ARHGEF10: variants seen among roughly 807,000 people sequenced by gnomAD.
ARHGEF10 encodes Rho guanine nucleotide exchange factor 10.
A neutral mutation model predicts 147.4 loss-of-function variants in ARHGEF10; 140 were observed. The observed-to-expected ratio is 0.95, with a 90% CI of 0.83 to 1.09. The LOEUF (loss-of-function observed/expected upper bound fraction) is 1.09. ARHGEF10 is among the 50% of genes least tolerant of loss of function. ARHGEF10 has a pLI of 0.00. For missense variants in ARHGEF10, 2,222 were observed against 1,752.7 expected (o/e 1.27, Z -4.78); for synonymous variants, 902 against 695.8 (o/e 1.30, Z -4.67).
intron 8 of ARHGEF10, among the ~76,000 whole-genome samples, chr8:1,878,881 A>T (rs2129116592): frequency 6.6e-6 from 1 of 151,888 alleles, no homozygotes; most frequent in African/African-American, 2.4e-5. Context: ...CAGAATTACA[A>T]CCCGGGAGCG....
chr8:1,877,659 C>A (rs1403219115), intron 8 of ARHGEF10, among the ~76,000 whole-genome samples: 1 of 148,164 alleles, frequency 6.7e-6, no homozygotes, highest in Non-Finnish European at 1.5e-5. Context: ...GTCATGGAAC[C>A]CAGGAACCAT....
At chr8:1,858,223 G>C (rs1055136892) in intron 3 of ARHGEF10, 108 bp downstream of exon 3, 1 of 1,046,354 alleles carries the variant, frequency 9.6e-7, no homozygotes, top group Non-Finnish European at 1.4e-6. Flanking sequence ...TGAGTCCCCA[G>C]GTGAGTCCCC....
At chr8:1,916,550 C>T (rs1811774600) in intron 18 of ARHGEF10, among the ~76,000 whole-genome samples, 1 of 152,166 alleles carries the variant, frequency 6.6e-6, no homozygotes, top group Non-Finnish European at 1.5e-5. Flanking sequence ...CAGCTTTGCA[C>T]CTGGGAGTCT....
At chr8:1,846,954 G>A (rs895196607) in intron 2 of ARHGEF10, among the ~76,000 whole-genome samples, 5 of 152,164 alleles carry the variant, frequency 3.3e-5, no homozygotes, top group Non-Finnish European at 5.9e-5. Context: ...GCTGCTGCTC[G>A]TTTTTCGTAA....
At chr8:1,859,099 G>A (rs1805859739) in intron 3 of ARHGEF10, among the ~76,000 whole-genome samples, 2 of 141,036 alleles carry the variant, frequency 1.4e-5, no homozygotes, top group Non-Finnish European at 3.0e-5. Context: ...CATAGTACCC[G>A]CCTCTCTGCT....
At chr8:1,876,446 C>T (rs942224803) in intron 7 of ARHGEF10, 125 bp from the exon 8 acceptor site, 5 of 1,051,352 alleles carry the variant, frequency 4.8e-6, no homozygotes, top group African/African-American at 4.7e-5. Flanking sequence ...CCGCAGGGTC[C>T]TCAGCATGAT....
chr8:1,879,240 C>A (rs1232687414), intron 8 of ARHGEF10, among the ~76,000 whole-genome samples: 1 of 152,066 alleles, frequency 6.6e-6, no homozygotes, highest in African/African-American at 2.4e-5. Flanking sequence ...TCCAGGGGGT[C>A]CCCAGTCCCG....
chr8:1,923,786 G>C lies in ARHGEF10; in HGVS notation c.2400G>C (p.Pro800=). The C allele has an allele frequency of 6.2e-7, 1 of 1,614,146 alleles. No individual in the cohort carries two copies. Among genetic ancestry groups the C allele is most frequent in the Non-Finnish European group, 8.5e-7 (1 of 1,180,026 alleles). ...LPGKQDKSGR[P]TFFTAVFNTF... ...TTGTTTCTGGCAGATCTGGGCGACC[G>C]ACGTTCTTTACAGCTGTGTTCAATA... The change falls in exon 21 of 29, where the codon CCG becomes CCC. Residue 800 remains proline, a synonymous_variant. Transcript: ENST00000349830.
At chr8:1,945,377 T>A in intron 26 of ARHGEF10, 104 bp from the exon 27 acceptor site, 1 of 1,372,190 alleles carries the variant, frequency 7.3e-7, no homozygotes, top group South Asian at 1.2e-5. Flanking sequence ...TGCTACTGTG[T>A]TGCAGCCACT....
At chr8:1,840,448 G>T (rs75246441) in intron 1 of ARHGEF10, among the ~76,000 whole-genome samples, 9 of 138,266 alleles carry the variant, frequency 6.5e-5, no homozygotes, top group Non-Finnish European at 1.1e-4. Context: ...GGGACTGTCC[G>T]GTGTGGAAGC....
intron 1 of ARHGEF10, among the ~76,000 whole-genome samples, chr8:1,829,986 A>G (rs952862989): frequency 1.4e-4 from 22 of 152,238 alleles, no homozygotes; most frequent in Non-Finnish European, 2.2e-4. Flanking sequence ...CGGTAGCAAG[A>G]AGGAGAGGGT....
At chr8:1,899,249 G>C (rs1265221149) in intron 15 of ARHGEF10, among the ~76,000 whole-genome samples, 1 of 152,232 alleles carries the variant, frequency 6.6e-6, no homozygotes, top group Non-Finnish European at 1.5e-5. Context: ...CCTGTAGGCT[G>C]CGGGGCTCAG....
intron 20 of ARHGEF10, 21 bp downstream of exon 20, chr8:1,923,616 G>A (rs753316425): frequency 3.0e-5 from 49 of 1,613,984 alleles, no homozygotes; most frequent in Non-Finnish European, 3.8e-5. Context: ...GCTTTAAAAC[G>A]AAACCTTCTT....
At chr8:1,928,346 GC>G in intron 23 of ARHGEF10, 80 bp from the exon 24 acceptor site, 1 of 1,280,772 alleles carries the variant, frequency 7.8e-7, no homozygotes. Context: ...GCTTGTCGTG[GC>G]CTTTAAGGGT....
At chr8:1,905,489 A>G in intron 16 of ARHGEF10, 82 bp from the exon 17 acceptor site, 2 of 1,567,818 alleles carry the variant, frequency 1.3e-6, no homozygotes, top group East Asian at 4.5e-5. Context: ...TCACCCTGAG[A>G]CTCCATACCA....
intron 11 of ARHGEF10, among the ~76,000 whole-genome samples, chr8:1,893,324 T>A (rs1447635063): frequency 6.6e-6 from 1 of 152,208 alleles, no homozygotes; most frequent in South Asian, 2.1e-4. Context: ...TTCTTTTCAG[T>A]GCTGTAATTT....
chr8:1,904,829 T>TA (rs34422180), intron 16 of ARHGEF10, among the ~76,000 whole-genome samples: 35,912 of 152,000 alleles, frequency 0.24, 4,542 homozygotes, highest in Middle Eastern at 0.33. Flanking sequence ...GCTGAGTTGT[T>TA]ATAAGTATTG....
intron 21 of ARHGEF10, among the ~76,000 whole-genome samples, chr8:1,924,449 T>A (rs1812534920): frequency 6.6e-6 from 1 of 152,260 alleles, no homozygotes; most frequent in Admixed American, 6.5e-5. Flanking sequence ...TACAGACCTG[T>A]TACCCAGAAC....
At position 1,846,194 on chromosome 8, in the gene ARHGEF10, G is replaced by A. The variant is rs371879004; in HGVS notation, c.37+2758G>A. On this transcript the variant is annotated intron_variant, in intron 2 of 28. Coordinates refer to ENST00000349830, the MANE Select transcript of ARHGEF10 (RefSeq NM_014629.4). ...CTGAGGAGCCGCCCAGCCCTCTGGC[G>A]GGTTGGGAGCGAGGCCCCTGCCCTT... Among the ~76,000 whole-genome samples the A allele has an allele frequency of 1.8e-4, 28 of 152,262 alleles. 3 individuals are homozygous for A. The highest frequency in any genetic ancestry group is 1.4e-3 in the Admixed American group (21 of 15,294).
Sources: allele counts gnomAD v4.1 joint callset (sites outside exome capture counted in the v4.1 genomes callset), GRCh38; gene constraint gnomAD v4.1.1; transcripts MANE v1.5; gene names NCBI Gene and HGNC (gene_info 2026-07-23, HGNC 2026-07-21).